HYAL4: variants seen among roughly 807,000 people sequenced by gnomAD.
The protein encoded by HYAL4 is hyaluronidase-4.
HYAL4 carries 37 observed loss-of-function variants against 35.2 expected under a neutral mutation model. The observed-to-expected ratio is 1.05, with a 90% CI of 0.81 to 1.38. The LOEUF (loss-of-function observed/expected upper bound fraction) is 1.38, where lower values mean the gene tolerates loss of function less well. Among genes scored for constraint, HYAL4 ranks in the 40% most tolerant of loss-of-function variants. HYAL4 has a pLI of 0.00. For synonymous variants in HYAL4, 198 were observed against 203.2 expected, an observed-to-expected ratio of 0.97 and a Z score of 0.22; for missense variants, 572 against 572.4, an observed-to-expected ratio of 1.00 and a Z score of 0.01.
At chr7:123,769,126 G>A in the HYAL4 span, among the ~76,000 whole-genome samples, 156 of 152,294 alleles carry the variant, frequency 1.0e-3, 1 homozygote, top group Middle Eastern at 0.014. Context: ...TGTATGTTTA[G>A]TCTTCTTTTT....
chr7:123,807,119 C>T, the HYAL4 span, among the ~76,000 whole-genome samples: 4 of 152,204 alleles, frequency 2.6e-5, no homozygotes, highest in African/African-American at 7.2e-5. Context: ...TTATAAACCT[C>T]ATAGACTTTT....
chr7:123,807,929 T>TATTATTATC, the HYAL4 span, among the ~76,000 whole-genome samples: 2 of 146,064 alleles, frequency 1.4e-5, no homozygotes, highest in African/African-American at 5.0e-5. Context: ...TTATTATTAT[T>TATTATTATC]ATTATTATTA....
At chr7:123,773,385 C>T in the HYAL4 span, among the ~76,000 whole-genome samples, 2 of 151,524 alleles carry the variant, frequency 1.3e-5, no homozygotes, top group South Asian at 4.2e-4. Context: ...TGTTATTTTC[C>T]TTAATTATTT....
At chr7:123,849,808 A>G (rs1185255844) in intron 2 of HYAL4, among the ~76,000 whole-genome samples, 3 of 152,124 alleles carry the variant, frequency 2.0e-5, no homozygotes, top group Admixed American at 6.6e-5. Flanking sequence ...CGGAGATTGC[A>G]GTGGACCGAG....
the HYAL4 span, among the ~76,000 whole-genome samples, chr7:123,800,050 T>C: frequency 6.6e-6 from 1 of 151,992 alleles, no homozygotes; most frequent in Non-Finnish European, 1.5e-5. Flanking sequence ...GTTTCAGCTA[T>C]TGGAGGTGGG....
the HYAL4 span, among the ~76,000 whole-genome samples, chr7:123,785,432 C>T: frequency 3.3e-5 from 5 of 152,140 alleles, no homozygotes; most frequent in African/African-American, 1.2e-4. This position sits in a 1 kb window ranked among gnomAD's most constrained non-coding sequence, Gnocchi z 4.5. Flanking sequence ...TCTCACTTGG[C>T]TAGCTAGCCA....
At chr7:123,800,525 G>A in the HYAL4 span, among the ~76,000 whole-genome samples, 1 of 149,594 alleles carries the variant, frequency 6.7e-6, no homozygotes, top group Non-Finnish European at 1.5e-5. Context: ...TCTTTTGATA[G>A]CTAAAATATC....
At chr7:123,772,594 A>G in the HYAL4 span, among the ~76,000 whole-genome samples, 1 of 152,202 alleles carries the variant, frequency 6.6e-6, no homozygotes, top group African/African-American at 2.4e-5. Flanking sequence ...TAGTGGTAGC[A>G]ATGAGTAAGT....
At chr7:123,809,085 A>G in the HYAL4 span, among the ~76,000 whole-genome samples, 1 of 152,232 alleles carries the variant, frequency 6.6e-6, no homozygotes, top group Non-Finnish European at 1.5e-5. Context: ...TGAAGAATCC[A>G]TCAGAACTCA....
upstream of HYAL4, among the ~76,000 whole-genome samples, chr7:123,843,072 T>A (rs149422543): frequency 1.6e-3 from 236 of 152,148 alleles, 2 homozygotes; most frequent in African/African-American, 5.4e-3. Flanking sequence ...GCCCGTTGAT[T>A]GATGCAGTTT....
At chr7:123,774,860 C>T in the HYAL4 span, among the ~76,000 whole-genome samples, 1 of 152,144 alleles carries the variant, frequency 6.6e-6, no homozygotes, top group Non-Finnish European at 1.5e-5. Flanking sequence ...TAATTCCAAC[C>T]AAATTTAAGT....
At chr7:123,798,104 T>C in the HYAL4 span, among the ~76,000 whole-genome samples, 1 of 152,204 alleles carries the variant, frequency 6.6e-6, no homozygotes, top group Non-Finnish European at 1.5e-5. Flanking sequence ...TGTGTTGATA[T>C]TCAAATTGGC....
At chr7:123,874,735 A>G in intron 3 of HYAL4, 26 bp from the exon 4 acceptor site, 3 of 1,390,720 alleles carry the variant, frequency 2.2e-6, no homozygotes, top group Non-Finnish European at 2.0e-6. Flanking sequence ...TCAAATTAAT[A>G]ATGAACTCTA....
upstream of HYAL4, among the ~76,000 whole-genome samples, chr7:123,826,572 CTAAT>C (rs1298651403): frequency 2.0e-5 from 3 of 152,006 alleles, no homozygotes; most frequent in African/African-American, 7.2e-5. Flanking sequence ...TTTTATTTTT[CTAAT>C]TAATTTGAAA....
chr7:123,865,764 A>T (rs568729758), intron 2 of HYAL4, among the ~76,000 whole-genome samples: 1 of 152,324 alleles, frequency 6.6e-6, no homozygotes, highest in East Asian at 1.9e-4. Flanking sequence ...GCTTTACTAC[A>T]AGCCACAAAA....
chr7:123,864,256 T>C (rs1157066832), intron 2 of HYAL4, among the ~76,000 whole-genome samples: 2 of 152,188 alleles, frequency 1.3e-5, no homozygotes, highest in African/African-American at 4.8e-5. Context: ...TGAAAATCAT[T>C]TGTTCAGGGG....
At chr7:123,828,262 T>C (rs1203585236), upstream of HYAL4, among the ~76,000 whole-genome samples, 1 of 152,172 alleles carries the variant, frequency 6.6e-6, no homozygotes, top group Non-Finnish European at 1.5e-5. Context: ...GTTATATTTA[T>C]ATTATGAAAT....
chr7:123,776,819 G>T, the HYAL4 span, among the ~76,000 whole-genome samples: 3 of 152,118 alleles, frequency 2.0e-5, no homozygotes, highest in Non-Finnish European at 4.4e-5. Context: ...GAGTTGTGAG[G>T]TGCTCTTTCC....
chr7:123,765,136 GA>G, the HYAL4 span, among the ~76,000 whole-genome samples: 1 of 152,040 alleles, frequency 6.6e-6, no homozygotes, highest in South Asian at 2.1e-4. Context: ...ATTTCTCAAA[GA>G]AAAATATATT....
Sources: allele counts gnomAD v4.1 joint callset (sites outside exome capture counted in the v4.1 genomes callset), GRCh38; gene constraint gnomAD v4.1.1; non-coding constraint Gnocchi (gnomAD v3.1); transcripts MANE v1.5; gene names NCBI Gene and HGNC (gene_info 2026-07-23, HGNC 2026-07-21).